BBX: variants seen among roughly 807,000 people sequenced by gnomAD.
BBX encodes BBX high mobility group box domain containing.
BBX carries 30 observed loss-of-function variants against 100.2 expected under a neutral mutation model. The observed-to-expected ratio is 0.30, with a 90% CI of 0.22 to 0.41. BBX has a LOEUF of 0.41. Among genes scored for constraint, BBX ranks in the 10% least tolerant of loss-of-function variants. The pLI is 1.00. For missense variants in BBX, 1,023 were observed against 1,129.8 expected (o/e 0.91, Z 1.35); for synonymous variants, 376 against 388.1 (o/e 0.97, Z 0.37).
intron 2 of BBX, among the ~76,000 whole-genome samples, chr3:107,554,531 T>C (rs2049936794): frequency 6.6e-6 from 1 of 152,208 alleles, no homozygotes; most frequent in South Asian, 2.1e-4. Flanking sequence ...GAGAAGGTAA[T>C]ATACAAATTT....
At chr3:107,544,108 T>C (rs1177279134) in intron 2 of BBX, among the ~76,000 whole-genome samples, 2 of 152,226 alleles carry the variant, frequency 1.3e-5, no homozygotes, top group Non-Finnish European at 2.9e-5. Flanking sequence ...GGAAACTTCA[T>C]ATGCCTTATC....
At chr3:107,603,328 CT>C (rs1409289857) in intron 2 of BBX, among the ~76,000 whole-genome samples, 1 of 152,094 alleles carries the variant, frequency 6.6e-6, no homozygotes, top group Non-Finnish European at 1.5e-5. Flanking sequence ...ACAGATCCAT[CT>C]TTTGTGAAAG....
In BBX at chr3:107,560,357, C is replaced by A. The variant is rs184409277; in HGVS notation, c.-84+33959C>A. Among the ~76,000 whole-genome samples the A allele has an allele frequency of 1.2e-3, 180 of 152,168 alleles. 2 individuals carry two copies. In the Middle Eastern group the frequency reaches 0.014, roughly 12 times the overall value. On this transcript the variant is annotated intron_variant, in intron 2 of 17. Coordinates refer to ENST00000325805, the MANE Select transcript of BBX (RefSeq NM_001142568.3). ...GATTTCACTTTAAAAGTCTTTCTTGCTCTTACTATACTGTGGCTTAGATTT... is the reference window on the plus strand; with the variant it reads ...GATTTCACTTTAAAAGTCTTTCTTGATCTTACTATACTGTGGCTTAGATTT...
chr3:107,528,561 T>C (rs1241129578), intron 2 of BBX, among the ~76,000 whole-genome samples: 1 of 152,236 alleles, frequency 6.6e-6, no homozygotes, highest in East Asian at 1.9e-4. Context: ...GCTTTTAACA[T>C]ACTTTGAAAA....
chr3:107,732,296 AT>A (rs1268642525), intron 6 of BBX, among the ~76,000 whole-genome samples: 1 of 152,204 alleles, frequency 6.6e-6, no homozygotes, highest in African/African-American at 2.4e-5. Flanking sequence ...TATATTGATT[AT>A]TGAAATAGTG....
At chr3:107,651,938 A>G (rs2057863306) in intron 3 of BBX, among the ~76,000 whole-genome samples, 1 of 152,182 alleles carries the variant, frequency 6.6e-6, no homozygotes, top group Non-Finnish European at 1.5e-5. Context: ...AGTAAGCAGA[A>G]AAGAGGGCTG....
intron 5 of BBX, among the ~76,000 whole-genome samples, chr3:107,723,450 G>A (rs1439399778): frequency 6.6e-6 from 1 of 151,614 alleles, no homozygotes; most frequent in African/African-American, 2.4e-5. Context: ...TAGTGTACAT[G>A]TGCACAATGT....
intron 2 of BBX, among the ~76,000 whole-genome samples, chr3:107,539,710 T>C (rs897109058): frequency 3.3e-5 from 5 of 152,164 alleles, no homozygotes; most frequent in Non-Finnish European, 5.9e-5. Context: ...GAAATATAAA[T>C]AGCTTAGAAA....
Position 107,733,018 on chromosome 3 carries a change from C to G in BBX, c.664C>G (p.Pro222Ala), listed in dbSNP as rs777588781. 35 of 1,612,614 alleles carry G rather than the reference C, an allele frequency of 2.2e-5. No individual in the cohort carries two copies. The highest frequency in any genetic ancestry group is 2.9e-5 in the Non-Finnish European group (34 of 1,179,350). ...LLAGEHALGT[P>A]EVSSGTCRPD... ...AGCTGGAGAACATGCTCTTGGCACA[C>G]CAGAGGTAAGCCAGTCCTTTTCCGT... Residue 222 changes from proline (P) to alanine (A), a missense_variant, in exon 7 of 18, where the codon CCA becomes GCA. Pro to Ala is a conservative substitution (Grantham distance 27). Around this residue, in one of 9 missense-constraint regions of BBX, gnomAD observed 95 missense variants for 95.1 expected, o/e 1.00. Coordinates refer to ENST00000325805, the MANE Select transcript of BBX (RefSeq NM_001142568.3).
chr3:107,564,023 T>C (rs1458361707), intron 2 of BBX, among the ~76,000 whole-genome samples: 2 of 152,216 alleles, frequency 1.3e-5, no homozygotes, highest in Admixed American at 1.3e-4. Context: ...CAGAGCATAG[T>C]TGCTATTTTC....
chr3:107,548,797 A>T (rs2049435156), intron 2 of BBX, among the ~76,000 whole-genome samples: 1 of 152,234 alleles, frequency 6.6e-6, no homozygotes, highest in Non-Finnish European at 1.5e-5. Flanking sequence ...ACTGTGGAAT[A>T]CTATGCAGCC....
chr3:107,599,574 A>G (rs2053917297), intron 2 of BBX: 1 of 152,048 alleles, frequency 6.6e-6, no homozygotes, highest in African/African-American at 2.4e-5. Context: ...CGCACTGAAA[A>G]CATTTCTGTG....
rs951202577 is a variant in BBX at position 107,755,644 on chromosome 3, G to A, written c.872G>A (p.Arg291His). Residue 291 changes from arginine to histidine, a missense_variant, in exon 10 of 18, where the codon CGC becomes CAC. By Grantham distance (29) the Arg-to-His change is conservative (BLOSUM62 0). This residue lies in a region of BBX where 95 missense variants were observed against 95.1 expected (regional missense o/e 1.00). Transcript: ENST00000325805. The part of the protein sequence containing the change: ...SQLGGAEPVK[R>H]CGKSALFQLA... ...TTGGGTGGTGCTGAGCCTGTAAAAC[G>A]CTGTGGAAAGTCTGCACTCTTTCAA... The A allele has an allele frequency of 3.1e-6, 5 of 1,613,724 alleles. No individual in the cohort carries two copies. Among genetic ancestry groups the A allele is most frequent in the Non-Finnish European group, 3.4e-6 (4 of 1,179,844 alleles).
intron 10 of BBX, among the ~76,000 whole-genome samples, chr3:107,766,352 A>G (rs2066392826): frequency 6.6e-6 from 1 of 152,236 alleles, no homozygotes; most frequent in African/African-American, 2.4e-5. Flanking sequence ...ATCGACTGTT[A>G]AGACAAAAAT....
At chr3:107,603,673 C>T (rs890388847) in intron 2 of BBX, among the ~76,000 whole-genome samples, 1 of 152,254 alleles carries the variant, frequency 6.6e-6, no homozygotes, top group African/African-American at 2.4e-5. Context: ...CCACCGTACC[C>T]GGCCTCCTTG....
chr3:107,726,285 A>G (rs1375286997), intron 5 of BBX, among the ~76,000 whole-genome samples: 1 of 151,958 alleles, frequency 6.6e-6, no homozygotes, highest in African/African-American at 2.4e-5. Flanking sequence ...AGACATCCTC[A>G]TACCCTGAGG....
At position 107,783,648 on chromosome 3, in the gene BBX, G is replaced by A. The variant is rs374847334; in HGVS notation, c.2203+5129G>A. Reference sequence around the variant, plus strand: ...TAGTAATTTTTCTCCTTTCTCCTACGTTGGTTTTCCATGATTGCCTATGTA... The same window carrying A: ...TAGTAATTTTTCTCCTTTCTCCTACATTGGTTTTCCATGATTGCCTATGTA... On this transcript the variant is annotated intron_variant, in intron 13 of 17. Transcript: ENST00000325805. Among the ~76,000 whole-genome samples, 367 of 151,870 alleles carry A rather than the reference G, an allele frequency of 2.4e-3. 4 individuals carry two copies. The highest frequency in any genetic ancestry group is 0.01 in the Middle Eastern group (3 of 294).
intron 5 of BBX, among the ~76,000 whole-genome samples, chr3:107,725,425 G>T (rs2062850004): frequency 6.6e-6 from 1 of 152,018 alleles, no homozygotes; most frequent in Non-Finnish European, 1.5e-5. Flanking sequence ...GATTGCCCTG[G>T]CCAGAACTTC....
chr3:107,595,009 C>T (rs1246996617), intron 2 of BBX, among the ~76,000 whole-genome samples: 1 of 152,170 alleles, frequency 6.6e-6, no homozygotes, highest in East Asian at 1.9e-4. Context: ...ACACGATGTC[C>T]CACAGGAATC....
Sources: allele counts gnomAD v4.1 joint callset (sites outside exome capture counted in the v4.1 genomes callset), GRCh38; gene constraint gnomAD v4.1.1; regional missense constraint gnomAD v4.1.1; transcripts MANE v1.5; gene names NCBI Gene and HGNC (gene_info 2026-07-23, HGNC 2026-07-21).